The following CMAS variants were observed in gnomAD, a reference collection of about 807,000 sequenced individuals.
CMAS encodes the protein N-acylneuraminate cytidylyltransferase.
In CMAS, 21 loss-of-function variants were observed where a neutral mutation model predicts 53.4. The observed-to-expected ratio is 0.39, with a 90% CI of 0.28 to 0.57. The LOEUF (loss-of-function observed/expected upper bound fraction) is 0.57, where lower values mean the gene tolerates loss of function less well. Among genes scored for constraint, CMAS ranks in the 20% least tolerant of loss-of-function variants. The pLI is 0.56. For synonymous variants in CMAS, 189 were observed against 195.2 expected, an observed-to-expected ratio of 0.97 and a Z score of 0.27; for missense variants, 384 against 534.9, an observed-to-expected ratio of 0.72 and a Z score of 2.78.
intron 3 of CMAS, among the ~76,000 whole-genome samples, chr12:22,055,858 C>T (rs1338706516): frequency 6.6e-6 from 1 of 152,134 alleles, no homozygotes; most frequent in Non-Finnish European, 1.5e-5. Flanking sequence ...TTTCTGTTTG[C>T]CTTTTGAGGC....
At chr12:22,058,088 A>G (rs77877673) in intron 3 of CMAS, among the ~76,000 whole-genome samples, 27,176 of 151,154 alleles carry the variant, frequency 0.18, 2,867 homozygotes, top group Middle Eastern at 0.31. Context: ...TGGCCTCCAC[A>G]GTGCTGGGAT....
chr12:22,052,695 T>G (rs1196606142), intron 1 of CMAS, among the ~76,000 whole-genome samples: 1 of 152,190 alleles, frequency 6.6e-6, no homozygotes, highest in Non-Finnish European at 1.5e-5. Flanking sequence ...CTATGACATT[T>G]CCCAAGAGAA....
intron 3 of CMAS, 115 bp from the exon 4 acceptor site, chr12:22,058,452 C>T: frequency 1.2e-6 from 1 of 852,324 alleles, no homozygotes; most frequent in East Asian, 2.7e-5. Flanking sequence ...AGTTCTTTAT[C>T]TAGATAAAGA....
Position 22,062,338 on chromosome 12 carries a change from G to T in CMAS, c.1018G>T (p.Asp340Tyr). ...SKQTLSSLKL[D>Y]CKMEVSVSDK... ...GCAGACGCTGTCTTCTTTAAAACTG[G>T]ATTGCAAAATGGAAGTCAGTGTATC... The change falls in exon 7 of 8, where the codon GAT becomes TAT. Residue 340 changes from aspartate to tyrosine, a missense_variant. By Grantham distance (160) the Asp-to-Tyr change is radical. This residue lies in a region of CMAS where 134 missense variants were observed against 154.6 expected (regional missense o/e 0.87). Coordinates refer to ENST00000229329, the MANE Select transcript of CMAS (RefSeq NM_018686.6). 6.2e-7 allele frequency: 1 copy of T among 1,612,416 alleles called. No homozygotes were observed. The highest frequency in any genetic ancestry group is 8.5e-7 in the Non-Finnish European group (1 of 1,179,538).
At chr12:22,053,400 C>CATATACACATTAT (rs1158556891) in intron 1 of CMAS, among the ~76,000 whole-genome samples, 1 of 149,534 alleles carries the variant, frequency 6.7e-6, no homozygotes, top group Admixed American at 6.7e-5. Context: ...TACACACACA[C>CATATACACATTAT]ATATACACAT....
intron 1 of CMAS, among the ~76,000 whole-genome samples, chr12:22,048,258 T>C (rs990211970): frequency 6.6e-6 from 1 of 152,208 alleles, no homozygotes; most frequent in African/African-American, 2.4e-5. Context: ...TATCACGTTA[T>C]GATAAATATT....
At chr12:22,052,013 G>A (rs1290243355) in intron 1 of CMAS, among the ~76,000 whole-genome samples, 2 of 152,198 alleles carry the variant, frequency 1.3e-5, no homozygotes, top group Non-Finnish European at 2.9e-5. Flanking sequence ...CATATAGCTA[G>A]CATGTGGTGG....
At chr12:22,053,925 T>C (rs1454352271) in intron 1 of CMAS, among the ~76,000 whole-genome samples, 3 of 147,622 alleles carry the variant, frequency 2.0e-5, no homozygotes, top group Admixed American at 2.0e-4. Context: ...GTTTTGTTGT[T>C]GTTTTTTGTC....
At chr12:22,061,751 G>A (rs190926556) in intron 6 of CMAS, among the ~76,000 whole-genome samples, 1 of 152,192 alleles carries the variant, frequency 6.6e-6, no homozygotes, top group East Asian at 1.9e-4. Context: ...CTAGATAATA[G>A]GTGTACCATT....
chr12:22,064,002 T>G (rs1225093993), intron 7 of CMAS: 5 of 151,770 alleles, frequency 3.3e-5, no homozygotes, highest in Non-Finnish European at 1.5e-5. Flanking sequence ...AATATATTTC[T>G]TAAAAAAATC....
rs1375108452 is a variant in CMAS at position 22,065,529 on chromosome 12, A to T, written c.*218A>T. The T allele has an allele frequency of 6.3e-6, 3 of 476,482 alleles. No homozygotes were observed. The highest frequency in any genetic ancestry group is 5.8e-5 in the African/African-American group (3 of 51,804). The allele number at this position is 476,482 out of a possible 1,614,324, so 29.5% of individuals were successfully genotyped here. ...TTTAGTAAATGCAAGTAAGAACATCATCAAAGTTCACTTTGTATTGTACCC... is the reference window on the plus strand; with the variant it reads ...TTTAGTAAATGCAAGTAAGAACATCTTCAAAGTTCACTTTGTATTGTACCC... On this transcript the variant is annotated 3_prime_UTR_variant, in exon 8 of 8. Transcript: ENST00000229329.
chr12:22,058,809 C>T (rs1950286896), intron 4 of CMAS, 109 bp downstream of exon 4: 1 of 1,312,696 alleles, frequency 7.6e-7, no homozygotes, highest in Non-Finnish European at 1.0e-6. Flanking sequence ...AAGTATCAAC[C>T]TATAGAGGAA....
chr12:22,060,581 G>T, intron 4 of CMAS: 1 of 316,022 alleles, frequency 3.2e-6, no homozygotes, highest in Non-Finnish European at 6.0e-6. Flanking sequence ...TTGAGCCTAA[G>T]ATTTCAAGGT....
At position 22,065,440 on chromosome 12, in the gene CMAS, G is replaced by T; in HGVS notation, c.*129G>T. On this transcript the variant is annotated 3_prime_UTR_variant, in exon 8 of 8. Coordinates refer to ENST00000229329, the MANE Select transcript of CMAS (RefSeq NM_018686.6). ...ATTTGGTTTGTGATATATATATATT[G>T]TGCTCTACTTTTCTCTTTACGCAAG... is the stretch of plus-strand genomic sequence containing the variant. 1.5e-6 allele frequency: 1 copy of T among 664,832 alleles called. No homozygotes were observed. The allele number at this position is 664,832 out of a possible 1,614,324, so 41.2% of individuals were successfully genotyped here.
chr12:22,062,058 GTCTCACCTTTATTGGGCTA>G (rs1950311602), intron 6 of CMAS, among the ~76,000 whole-genome samples: 1 of 152,026 alleles, frequency 6.6e-6, no homozygotes, highest in Non-Finnish European at 1.5e-5. Flanking sequence ...AAAATACTGT[GTCTCACCTTTATTGGGCTA>G]TGAGAAATAA....
At chr12:22,063,940 AAAAT>A (rs977182093) in intron 7 of CMAS, 5 of 152,114 alleles carry the variant, frequency 3.3e-5, no homozygotes, top group East Asian at 3.9e-4. Flanking sequence ...ACAAAAAAAA[AAAAT>A]AATAACTCAC....
At chr12:22,063,587 T>C (rs1308018818) in intron 7 of CMAS, among the ~76,000 whole-genome samples, 1 of 152,120 alleles carries the variant, frequency 6.6e-6, no homozygotes, top group South Asian at 2.1e-4. Flanking sequence ...ATCATTTATA[T>C]AGGTAAAACT....
chr12:22,047,781 T>A (rs1195763839), intron 1 of CMAS, among the ~76,000 whole-genome samples: 1 of 152,170 alleles, frequency 6.6e-6, no homozygotes, highest in African/African-American at 2.4e-5. Context: ...AATACCAAGA[T>A]GATTGGGACA....
intron 7 of CMAS, among the ~76,000 whole-genome samples, 178 bp downstream of exon 7, chr12:22,062,612 T>TTGA (rs1486093818): frequency 6.6e-6 from 1 of 152,222 alleles, no homozygotes; most frequent in African/African-American, 2.4e-5. Flanking sequence ...GGAGGTTAGT[T>TTGA]TGATAATAGG....
Sources: gnomAD v4.1 joint callset for allele counts (sites outside exome capture counted in the v4.1 genomes callset) on GRCh38, gnomAD v4.1.1 for gene constraint, gnomAD v4.1.1 regional missense constraint, MANE v1.5 for transcripts, NCBI Gene and HGNC (gene_info 2026-07-23, HGNC 2026-07-21) for gene names.